The following DISC1 variants were observed in gnomAD, a reference collection of about 807,000 sequenced individuals.
DISC1 encodes the protein DISC1 scaffold protein, also known as disrupted in schizophrenia 1 protein.
DISC1 carries 57 observed loss-of-function variants against 84.5 expected under a neutral mutation model. The ratio of observed to expected loss-of-function variants is 0.67; its 90% CI spans 0.55 to 0.84. DISC1 has a LOEUF of 0.84. DISC1 is among the 40% of genes least tolerant of loss of function. The pLI, the probability that DISC1 is intolerant of heterozygous loss-of-function variation, is 0.00. For synonymous variants in DISC1, 411 were observed against 415.2 expected (o/e 0.99, Z 0.12); for missense variants, 1,000 against 1,057.8 (o/e 0.95, Z 0.76).
intron 12 of DISC1, among the ~76,000 whole-genome samples, chr1:232,030,859 T>C (rs1669945451): frequency 6.6e-6 from 1 of 152,088 alleles, no homozygotes; most frequent in South Asian, 2.1e-4. Context: ...TACATCTTAA[T>C]CCCGGCACTT....
intron 9 of DISC1, among the ~76,000 whole-genome samples, chr1:231,842,067 A>G (rs944648811): frequency 1.3e-5 from 2 of 152,038 alleles, no homozygotes; most frequent in African/African-American, 4.8e-5. Flanking sequence ...TGGTGCAACC[A>G]TGACTCACTG....
At chr1:231,901,144 C>T (rs1455613031) in intron 9 of DISC1, among the ~76,000 whole-genome samples, 3 of 152,172 alleles carry the variant, frequency 2.0e-5, no homozygotes, top group Non-Finnish European at 4.4e-5. Context: ...AATGTTATTG[C>T]TTCCAATGGG....
intron 9 of DISC1, among the ~76,000 whole-genome samples, chr1:231,912,068 T>C (rs760316458): frequency 1.7e-4 from 26 of 152,188 alleles, no homozygotes; most frequent in Non-Finnish European, 3.8e-4. Context: ...TAGTTAGCCA[T>C]TCGTCTAATG....
intron 10 of DISC1, among the ~76,000 whole-genome samples, chr1:231,967,218 C>T (rs1661244014): frequency 6.6e-6 from 1 of 152,236 alleles, no homozygotes. Flanking sequence ...TCTGTTCCCT[C>T]ACCCAAGGCT....
intron 9 of DISC1, among the ~76,000 whole-genome samples, chr1:231,927,484 C>T (rs6687236): frequency 0.23 from 35,454 of 152,038 alleles, 4,591 homozygotes; most frequent in African/African-American, 0.34. Flanking sequence ...TCAAGAATTG[C>T]GGACTCCATA....
intron 1 of DISC1, among the ~76,000 whole-genome samples, chr1:231,636,860 A>G (rs1467743445): frequency 6.6e-6 from 1 of 152,180 alleles, no homozygotes; most frequent in Non-Finnish European, 1.5e-5. Flanking sequence ...ATAGGTATAC[A>G]TGTGCCATGG....
intron 6 of DISC1, among the ~76,000 whole-genome samples, chr1:231,774,096 TA>T (rs558487129): frequency 1.3e-5 from 2 of 151,254 alleles, no homozygotes; most frequent in African/African-American, 2.4e-5. Flanking sequence ...AAAATAAAAA[TA>T]AAAAAAATTA....
At chr1:231,639,621 G>T (rs2059469231) in intron 1 of DISC1, among the ~76,000 whole-genome samples, 1 of 152,206 alleles carries the variant, frequency 6.6e-6, no homozygotes, top group Admixed American at 6.5e-5. Flanking sequence ...TGGGGAAGGA[G>T]GTTCAGGGTC....
At chr1:231,744,080 C>T (rs147107060) in intron 3 of DISC1, among the ~76,000 whole-genome samples, 4 of 152,162 alleles carry the variant, frequency 2.6e-5, no homozygotes, top group Middle Eastern at 3.2e-3. Context: ...TGAGTCTTAT[C>T]GAAATGGCCT....
intron 3 of DISC1, among the ~76,000 whole-genome samples, chr1:231,748,722 G>A (rs753299195): frequency 6.6e-6 from 1 of 152,166 alleles, no homozygotes; most frequent in African/African-American, 2.4e-5. Context: ...TCTCATTTTG[G>A]TGTCAGAGTA....
chr1:231,856,676 T>G (rs1266848355), intron 9 of DISC1, among the ~76,000 whole-genome samples: 1 of 152,226 alleles, frequency 6.6e-6, no homozygotes. Context: ...TGGTTCCCAG[T>G]GCTGCTCAGT....
chr1:231,974,925 C>T (rs946151984), intron 10 of DISC1, among the ~76,000 whole-genome samples: 17 of 151,988 alleles, frequency 1.1e-4, no homozygotes, highest in African/African-American at 4.1e-4. Flanking sequence ...ATGGTGAAAC[C>T]CCGTCTCCAC....
At chr1:231,664,531 G>T (rs116778752) in intron 1 of DISC1, among the ~76,000 whole-genome samples, 3,367 of 152,214 alleles carry the variant, frequency 0.022, 50 homozygotes, top group Non-Finnish European at 0.03. Flanking sequence ...TAATCATAGG[G>T]TGCTCATAAA....
At chr1:232,014,863 T>G (rs1041283380) in intron 11 of DISC1, among the ~76,000 whole-genome samples, 15 of 152,254 alleles carry the variant, frequency 9.9e-5, no homozygotes, top group African/African-American at 2.9e-4. Flanking sequence ...TCCAGCTTGC[T>G]TTTTATGGAA....
Position 232,008,834 on chromosome 1 carries a change from T to A in DISC1, c.2092T>A (p.Cys698Ser). ...AGTGTGGGAAGCTGACTTGGAAGCT[T>A]GTCGATTGCTTATCCAGAGCCTACA... ...GKVWEADLEACRLLIQSLQLQ... is the reference protein window; with the variant it reads ...GKVWEADLEASRLLIQSLQLQ... Residue 698 changes from cysteine (C) to serine (S), a missense_variant, in exon 11 of 13, where the codon TGT becomes AGT. Coordinates refer to ENST00000439617, the MANE Select transcript of DISC1 (RefSeq NM_018662.3). 2.5e-6 allele frequency: 4 copies of A among 1,604,048 alleles called. No individual in the cohort carries two copies. Among genetic ancestry groups the A allele is most frequent in the Non-Finnish European group, 3.4e-6 (4 of 1,173,982 alleles).
intron 9 of DISC1, chr1:231,866,480 C>A: frequency 1.3e-6 from 1 of 780,732 alleles, no homozygotes. Context: ...AGGCTCCAGG[C>A]ACTTTCGAAG....
chr1:231,972,926 A>G (rs1192295690), intron 10 of DISC1, among the ~76,000 whole-genome samples: 1 of 152,152 alleles, frequency 6.6e-6, no homozygotes, highest in Non-Finnish European at 1.5e-5. Context: ...TGAAACCCGT[A>G]ATATTGGGCT....
intron 6 of DISC1, among the ~76,000 whole-genome samples, chr1:231,783,840 C>T (rs11122334): frequency 0.16 from 24,562 of 152,244 alleles, 2,152 homozygotes; most frequent in Non-Finnish European, 0.18. Context: ...ACCTCGATCA[C>T]AGGAAATCTT....
intron 9 of DISC1, among the ~76,000 whole-genome samples, chr1:231,831,512 C>G (rs796391946): frequency 7.0e-6 from 1 of 143,122 alleles, no homozygotes; most frequent in Non-Finnish European, 1.6e-5. Flanking sequence ...AAAAACTGGC[C>G]GTGAGGGACA....
Sources: allele counts gnomAD v4.1 joint callset (sites outside exome capture counted in the v4.1 genomes callset), GRCh38; gene constraint gnomAD v4.1.1; transcripts MANE v1.5; gene names NCBI Gene and HGNC (gene_info 2026-07-23, HGNC 2026-07-21).